The following ST18 variants were observed in gnomAD, a reference collection of about 807,000 sequenced individuals.
ST18 encodes suppression of tumorigenicity 18 protein.
ST18 carries 50 observed loss-of-function variants against 110.0 expected under a neutral mutation model. The ratio of observed to expected loss-of-function variants is 0.45; its 90% CI spans 0.36 to 0.58. The LOEUF (loss-of-function observed/expected upper bound fraction) is 0.58. Among genes scored for constraint, ST18 ranks in the 20% least tolerant of loss-of-function variants. The pLI is 0.00. For synonymous variants in ST18, 461 were observed against 452.4 expected, an observed-to-expected ratio of 1.02 and a Z score of -0.24; for missense variants, 1,306 against 1,280.1, an observed-to-expected ratio of 1.02 and a Z score of -0.31.
chr8:52,175,577 C>T (rs1302890742), intron 9 of ST18, among the ~76,000 whole-genome samples: 1 of 152,186 alleles, frequency 6.6e-6, no homozygotes, highest in East Asian at 1.9e-4. Flanking sequence ...ATCTTCAAAA[C>T]AAGGAAGATC....
Position 52,180,291 on chromosome 8 carries a change from C to G in ST18, c.108G>C (p.Met36Ile), listed in dbSNP as rs2134186778. The change falls in exon 9 of 26, where the codon ATG becomes ATC. Residue 36 changes from methionine to isoleucine, a missense_variant. By Grantham distance (10) the Met-to-Ile change is conservative. Coordinates refer to ENST00000689386, the MANE Select transcript of ST18 (RefSeq NM_001352837.2). ...QELSVAYDCS[M>I]AKKRTAEDQA... ...GATCTTCAGCTGTTCTCTTCTTTGC[C>G]ATGGAGCAATCATAGGCAACACTGT... 6.2e-7 allele frequency: 1 copy of G among 1,614,142 alleles called. No individual in the cohort carries two copies. Among genetic ancestry groups the G allele is most frequent in the South Asian group, 1.1e-5 (1 of 91,070 alleles).
intron 23 of ST18, among the ~76,000 whole-genome samples, chr8:52,123,297 T>C (rs1329701696): frequency 1.3e-5 from 2 of 152,228 alleles, no homozygotes; most frequent in Non-Finnish European, 2.9e-5. Context: ...ATTAACATAG[T>C]ATGCTAAAGG....
intron 8 of ST18, among the ~76,000 whole-genome samples, chr8:52,195,169 G>A (rs2075807745): frequency 6.6e-6 from 1 of 152,148 alleles, no homozygotes; most frequent in Non-Finnish European, 1.5e-5. Context: ...GGATCATAGG[G>A]ATGTACCCGG....
At chr8:52,334,656 T>C (rs574080132) in intron 2 of ST18, among the ~76,000 whole-genome samples, 78 of 152,298 alleles carry the variant, frequency 5.1e-4, no homozygotes, top group Non-Finnish European at 9.7e-4. Flanking sequence ...GCTTTTTCTG[T>C]CTCTCTGCCC....
chr8:52,374,272 A>C (rs979378763), intron 2 of ST18, among the ~76,000 whole-genome samples: 9 of 152,142 alleles, frequency 5.9e-5, no homozygotes, highest in African/African-American at 2.2e-4. Context: ...AACAAGATGC[A>C]GAGACATAAA....
At chr8:52,319,924 G>A (rs1803133297) in intron 2 of ST18, among the ~76,000 whole-genome samples, 1 of 152,144 alleles carries the variant, frequency 6.6e-6, no homozygotes, top group Admixed American at 6.6e-5. Flanking sequence ...AAGACGAACG[G>A]GTGGAAGCTG....
At chr8:52,126,639 C>T (rs1461192388) in intron 22 of ST18, among the ~76,000 whole-genome samples, 4 of 152,212 alleles carry the variant, frequency 2.6e-5, no homozygotes, top group Admixed American at 6.5e-5. Context: ...CCCTACCCCA[C>T]GCCCCCATGG....
chr8:52,113,966 T>TTTG (rs2041480838), intron 25 of ST18, among the ~76,000 whole-genome samples: 18 of 112,314 alleles, frequency 1.6e-4, no homozygotes. Flanking sequence ...TTTTTTTTTT[T>TTTG]TTTTTTTTTT....
At chr8:52,363,710 T>C (rs1826692819) in intron 2 of ST18, among the ~76,000 whole-genome samples, 1 of 152,214 alleles carries the variant, frequency 6.6e-6, no homozygotes, top group African/African-American at 2.4e-5. Flanking sequence ...AATTTTGTTT[T>C]AACTCAATAA....
chr8:52,139,037 C>T (rs2053695654), intron 17 of ST18, among the ~76,000 whole-genome samples: 1 of 152,090 alleles, frequency 6.6e-6, no homozygotes, highest in Non-Finnish European at 1.5e-5. Flanking sequence ...TTTTCAGGGT[C>T]TGATCCAAGC....
chr8:52,383,112 C>A (rs1321491528), intron 2 of ST18, among the ~76,000 whole-genome samples: 3 of 152,040 alleles, frequency 2.0e-5, no homozygotes, highest in African/African-American at 4.8e-5. Context: ...AAGCACTTAC[C>A]TTTTATGATC....
Position 52,116,426 on chromosome 8 carries a change from A to C in ST18, c.2860-8T>G. 6.2e-7 allele frequency: 1 copy of C among 1,608,612 alleles called. No homozygotes were observed. Among genetic ancestry groups the C allele is most frequent in the Non-Finnish European group, 8.5e-7 (1 of 1,177,228 alleles). On this transcript the variant is annotated splice_region_variant and splice_polypyrimidine_tract_variant and intron_variant, in intron 24 of 25. Transcript: ENST00000689386. Reference sequence around the variant, plus strand: ...GCTCTCCATAGATGTGATCTACAACAGAAATAACTTGGGAATGTGAGTAGT... The same window carrying C: ...GCTCTCCATAGATGTGATCTACAACCGAAATAACTTGGGAATGTGAGTAGT...
chr8:52,258,668 C>T lies in ST18; in HGVS notation c.-464-28591G>A, dbSNP rs145355145. On this transcript the variant is annotated intron_variant, in intron 2 of 25. Transcript: ENST00000689386. ...AAATCTGTATGAAAGATCATGTCATCTGCAAATGGAAATACTTTTGCTACT... is the reference window on the plus strand; with the variant it reads ...AAATCTGTATGAAAGATCATGTCATTTGCAAATGGAAATACTTTTGCTACT... Among the ~76,000 whole-genome samples, 14 of 152,250 alleles carry T rather than the reference C, an allele frequency of 9.2e-5. 1 individual carries two copies. The East Asian group carries it at 2.7e-3, about 29-fold the overall frequency.
At chr8:52,244,487 AAT>A (rs2093684941) in intron 2 of ST18, among the ~76,000 whole-genome samples, 1 of 152,178 alleles carries the variant, frequency 6.6e-6, no homozygotes, top group Non-Finnish European at 1.5e-5. Context: ...ACAGAGCTAT[AAT>A]CCCTAGGAAA....
intron 2 of ST18, among the ~76,000 whole-genome samples, chr8:52,264,573 C>T (rs375459248): frequency 1.1e-4 from 17 of 152,170 alleles, no homozygotes; most frequent in African/African-American, 4.1e-4. Context: ...AACTCAAATA[C>T]ATTCCTGCCC....
At chr8:52,275,681 T>A (rs1261771108) in intron 2 of ST18, among the ~76,000 whole-genome samples, 1 of 152,174 alleles carries the variant, frequency 6.6e-6, no homozygotes, top group African/African-American at 2.4e-5. Context: ...TAATATTTTT[T>A]AGGAGGAAGG....
chr8:52,247,979 A>G (rs76325947), intron 2 of ST18, among the ~76,000 whole-genome samples: 2,949 of 152,280 alleles, frequency 0.019, 88 homozygotes, highest in African/African-American at 0.068. Flanking sequence ...AACATACATT[A>G]CATTCTCTAC....
chr8:52,186,653 C>T (rs2072376769), intron 8 of ST18, among the ~76,000 whole-genome samples: 1 of 152,198 alleles, frequency 6.6e-6, no homozygotes, highest in African/African-American at 2.4e-5. Flanking sequence ...GGAAACATCG[C>T]ATAGTCCTTT....
intron 2 of ST18, among the ~76,000 whole-genome samples, chr8:52,249,671 C>T (rs553216586): frequency 6.6e-6 from 1 of 151,872 alleles, no homozygotes; most frequent in Non-Finnish European, 1.5e-5. Flanking sequence ...CAGTAAATCA[C>T]TAAAAAAATA....
Sources: gnomAD v4.1 joint callset for allele counts (sites outside exome capture counted in the v4.1 genomes callset) on GRCh38, gnomAD v4.1.1 for gene constraint, MANE v1.5 for transcripts, NCBI Gene and HGNC (gene_info 2026-07-23, HGNC 2026-07-21) for gene names.